KCNH5: variants seen among roughly 807,000 people sequenced by gnomAD.
KCNH5 encodes voltage-gated delayed rectifier potassium channel KCNH5.
KCNH5 carries 46 observed loss-of-function variants against 96.1 expected under a neutral mutation model. The observed-to-expected ratio is 0.48, with a 90% CI of 0.38 to 0.61. The LOEUF (loss-of-function observed/expected upper bound fraction) is 0.61. Ranked by LOEUF, KCNH5 falls within the 20% of genes least tolerant of loss-of-function variation. The pLI, the probability that KCNH5 is intolerant of heterozygous loss-of-function variation, is 0.00. For synonymous variants in KCNH5, 439 were observed against 449.8 expected (o/e 0.98, Z 0.30); for missense variants, 907 against 1,225.8 (o/e 0.74, Z 3.88).
intron 6 of KCNH5, among the ~76,000 whole-genome samples, chr14:62,968,400 C>G (rs967950445): frequency 6.6e-6 from 1 of 152,196 alleles, no homozygotes; most frequent in East Asian, 1.9e-4. Flanking sequence ...GTCCACAATA[C>G]TTTGCACTCC....
At chr14:63,023,002 G>C (rs1347027967) in intron 1 of KCNH5, among the ~76,000 whole-genome samples, 1 of 151,868 alleles carries the variant, frequency 6.6e-6, no homozygotes, top group Non-Finnish European at 1.5e-5. Context: ...TCAGGAGATC[G>C]AGGCCAGCCT....
intron 10 of KCNH5, among the ~76,000 whole-genome samples, chr14:62,723,785 T>C (rs1465042410): frequency 6.6e-6 from 1 of 152,232 alleles, no homozygotes; most frequent in African/African-American, 2.4e-5. Context: ...CATTCTTTAT[T>C]TTATCAGAAT....
chr14:63,007,952 C>A (rs1323168074), intron 2 of KCNH5, among the ~76,000 whole-genome samples: 1 of 152,002 alleles, frequency 6.6e-6, no homozygotes, highest in Non-Finnish European at 1.5e-5. Context: ...CAAAACTTGC[C>A]CAAGAACTAC....
chr14:62,832,200 A>T (rs1408270960), intron 8 of KCNH5, among the ~76,000 whole-genome samples: 26 of 152,218 alleles, frequency 1.7e-4, no homozygotes, highest in Admixed American at 1.6e-3. Context: ...ATAATACAGT[A>T]GTAATAATTA....
At chr14:63,015,010 T>C (rs1380688819) in intron 2 of KCNH5, among the ~76,000 whole-genome samples, 1 of 152,032 alleles carries the variant, frequency 6.6e-6, no homozygotes, top group Non-Finnish European at 1.5e-5. Flanking sequence ...ACGATATCAG[T>C]GCTAGCAAAG....
intron 2 of KCNH5, among the ~76,000 whole-genome samples, chr14:63,016,626 T>C (rs188743727): frequency 8.5e-5 from 13 of 152,242 alleles, no homozygotes; most frequent in African/African-American, 3.1e-4. Flanking sequence ...CTCACAGATA[T>C]ATACAAATCT....
At chr14:62,789,548 G>A (rs951058045) in intron 9 of KCNH5, among the ~76,000 whole-genome samples, 5 of 151,636 alleles carry the variant, frequency 3.3e-5, no homozygotes, top group Non-Finnish European at 5.9e-5. Flanking sequence ...TCCCACCAAC[G>A]GTATTCCAGG....
intron 1 of KCNH5, among the ~76,000 whole-genome samples, chr14:63,022,429 G>T (rs1479796986): frequency 6.6e-6 from 1 of 151,840 alleles, no homozygotes; most frequent in Non-Finnish European, 1.5e-5. Context: ...TTTTTATACT[G>T]AAGCCAAACG....
At chr14:62,715,747 GAATT>G (rs919163805) in intron 10 of KCNH5, among the ~76,000 whole-genome samples, 1 of 150,346 alleles carries the variant, frequency 6.7e-6, no homozygotes, top group African/African-American at 2.4e-5. Flanking sequence ...AATTTTTGAA[GAATT>G]AATTAATTAA....
intron 7 of KCNH5, among the ~76,000 whole-genome samples, chr14:62,900,622 G>C (rs866997945): frequency 1.3e-5 from 2 of 152,044 alleles, no homozygotes; most frequent in Middle Eastern, 3.4e-3. Context: ...TTACAGTAAA[G>C]AAATCAAAGC....
intron 6 of KCNH5, among the ~76,000 whole-genome samples, chr14:62,968,153 A>G (rs763895523): frequency 4.6e-5 from 7 of 152,158 alleles, no homozygotes; most frequent in Non-Finnish European, 1.0e-4. Context: ...TTCTCTACCA[A>G]TGCCCACCAG....
intron 2 of KCNH5, among the ~76,000 whole-genome samples, chr14:63,011,651 A>G (rs143157047): frequency 1.3e-5 from 2 of 152,292 alleles, no homozygotes; most frequent in African/African-American, 4.8e-5. Context: ...CATGACATGT[A>G]ATTAAGGAAA....
chr14:62,947,746 T>A (rs1889917555), intron 7 of KCNH5, among the ~76,000 whole-genome samples: 1 of 148,070 alleles, frequency 6.8e-6, no homozygotes, highest in East Asian at 1.9e-4. Context: ...CAAAAACCGA[T>A]GACCATGATC....
In KCNH5 at chr14:63,016,978, G is replaced by A. The variant is rs763540865; in HGVS notation, c.74-24C>T. ...TTCTGAAGAAGAAAGGAGAAAAAAG[G>A]AGGTTATTTAGCTTAATTCAACAAT... On this transcript the variant is annotated intron_variant, in intron 1 of 10. Coordinates refer to ENST00000322893, the MANE Select transcript of KCNH5 (RefSeq NM_139318.5). 4.4e-6 allele frequency: 7 copies of A among 1,591,798 alleles called. No homozygotes were observed. In the South Asian group the frequency reaches 7.0e-5, roughly 16 times the overall value.
chr14:62,939,692 C>T (rs1889751801), intron 7 of KCNH5, among the ~76,000 whole-genome samples: 1 of 152,158 alleles, frequency 6.6e-6, no homozygotes, highest in Non-Finnish European at 1.5e-5. Flanking sequence ...GTAATCTCAG[C>T]ACTTTGGGAG....
At chr14:62,824,092 T>A (rs752767398) in intron 8 of KCNH5, among the ~76,000 whole-genome samples, 2 of 151,262 alleles carry the variant, frequency 1.3e-5, no homozygotes, top group East Asian at 3.9e-4. Context: ...GAAAAAAAAA[T>A]TCACCAAGAT....
At chr14:62,987,629 C>A (rs1386216512) in intron 4 of KCNH5, among the ~76,000 whole-genome samples, 1 of 152,098 alleles carries the variant, frequency 6.6e-6, no homozygotes, top group Non-Finnish European at 1.5e-5. Flanking sequence ...ATTTAAGAAA[C>A]AACTGTGACT....
chr14:62,899,560 G>A (rs1219587872), intron 7 of KCNH5, among the ~76,000 whole-genome samples: 2 of 152,024 alleles, frequency 1.3e-5, no homozygotes, highest in Admixed American at 6.5e-5. Flanking sequence ...GGCCGGGCGC[G>A]GTGGCTCACG....
chr14:62,842,835 A>T (rs1887613118), intron 8 of KCNH5, among the ~76,000 whole-genome samples: 1 of 152,230 alleles, frequency 6.6e-6, no homozygotes, highest in East Asian at 1.9e-4. Context: ...TTAGTGAATT[A>T]TTACAGATTT....
Sources: gnomAD v4.1 joint callset for allele counts (sites outside exome capture counted in the v4.1 genomes callset) on GRCh38, gnomAD v4.1.1 for gene constraint, MANE v1.5 for transcripts, NCBI Gene and HGNC (gene_info 2026-07-23, HGNC 2026-07-21) for gene names.